The following YWHAZ variants were observed in gnomAD, a reference collection of about 807,000 sequenced individuals.
YWHAZ encodes 14-3-3 protein zeta/delta.
For missense variants in YWHAZ, 79 were observed against 284.8 expected, an observed-to-expected ratio of 0.28 and a Z score of 5.20; for synonymous variants, 87 against 103.6, an observed-to-expected ratio of 0.84 and a Z score of 0.97.
At chr8:100,932,476 G>A (rs1052753932) in intron 2 of YWHAZ, among the ~76,000 whole-genome samples, 3 of 152,006 alleles carry the variant, frequency 2.0e-5, no homozygotes, top group African/African-American at 7.2e-5. Context: ...TCAAATTTAT[G>A]GCTTAAAAGT....
chr8:100,922,508 C>A lies in YWHAZ; in HGVS notation c.678+1447G>T, dbSNP rs1813097244. On this transcript the variant is annotated intron_variant, in intron 5 of 5. Coordinates refer to ENST00000395958, the MANE Select transcript of YWHAZ (RefSeq NM_145690.3). This position sits in a 1 kb window ranked among gnomAD's most constrained non-coding sequence, Gnocchi z 4.1. ...TTCAAGCAATTCTCTTCCTCAGCCT[C>A]CCGAGTAGCTGGGATTACAGGTGCC... 6.6e-6 allele frequency: 1 copy of A among 152,156 alleles called. No homozygotes were observed. Among genetic ancestry groups the A allele is most frequent in the African/African-American group, 2.4e-5 (1 of 41,390 alleles). The allele number at this position is 152,156 out of a possible 1,614,324, so 9.4% of individuals were successfully genotyped here. A position where few individuals can be genotyped will look rare whatever the true frequency, so the allele number is the denominator to read the frequency against.
chr8:100,951,046 C>CG, intron 1 of YWHAZ: 3 of 535,486 alleles, frequency 5.6e-6, no homozygotes, highest in African/African-American at 2.1e-5. Flanking sequence ...CCGTCCACAC[C>CG]TCCCCCGCCC....
chr8:100,935,244 ATT>A lies in YWHAZ; in HGVS notation c.295-10207_295-10206del, dbSNP rs1814062918. 2.0e-5 allele frequency among the ~76,000 whole-genome samples: 3 copies of A among 152,232 alleles called. No individual in the cohort carries two copies. The South Asian group carries it at 6.2e-4, about 32-fold the overall frequency. On this transcript the variant is annotated intron_variant, in intron 2 of 5. Transcript: ENST00000395958. ...GCTCTAATAAAGGCACGTTCTACAC[ATT>A]TTAAGCACTCAAAAATATTAAACTC...
upstream of YWHAZ, chr8:100,952,273 C>T (rs929249101): frequency 1.7e-5 from 8 of 471,664 alleles, no homozygotes; most frequent in East Asian, 9.2e-4. Context: ...CCACCCCGCT[C>T]GGCTTCCAGC....
chr8:100,950,639 G>GCGCCCC (rs1321634674), intron 1 of YWHAZ: 3 of 964,204 alleles, frequency 3.1e-6, no homozygotes, highest in Non-Finnish European at 3.7e-6. Flanking sequence ...GGAGCAGCCC[G>GCGCCCC]CGCCCCCGCC....
In YWHAZ at chr8:100,918,444, A is replaced by ATATATATAT. The variant is rs57486163; in HGVS notation, c.*2248_*2249insATATATATA. The ATATATATAT allele has an allele frequency of 9.3e-4, 101 of 108,738 alleles. No individual in the cohort carries two copies. Among genetic ancestry groups the ATATATATAT allele is most frequent in the Middle Eastern group, 4.2e-3 (1 of 238 alleles). The allele number at this position is 108,738 out of a possible 1,614,324, so 6.7% of individuals were successfully genotyped here. ...TATATATATATATATATATATATAT[A>ATATATATAT]ATTATTTTACCTCCTTGGCTTGGGG... On this transcript the variant is annotated 3_prime_UTR_variant, in exon 6 of 6. Coordinates refer to ENST00000395958, the MANE Select transcript of YWHAZ (RefSeq NM_145690.3).
chr8:100,918,661 T>A lies in YWHAZ; in HGVS notation c.*2032A>T, dbSNP rs1812824269. Reference sequence around the variant, plus strand: ...TTCCCAATTTAATCTGAGGTCATAATAAAACAAGCAACAAAACAGTGTTTG... The same window carrying A: ...TTCCCAATTTAATCTGAGGTCATAAAAAAACAAGCAACAAAACAGTGTTTG... On this transcript the variant is annotated 3_prime_UTR_variant, in exon 6 of 6. Transcript: ENST00000395958. 2 of 151,868 alleles carry A rather than the reference T, an allele frequency of 1.3e-5. No individual in the cohort carries two copies. The highest frequency in any genetic ancestry group is 1.3e-4 in the Admixed American group (2 of 15,236). The allele number at this position is 151,868 out of a possible 1,614,324, so 9.4% of individuals were successfully genotyped here. A position where few individuals can be genotyped will look rare whatever the true frequency, so the allele number is the denominator to read the frequency against.
In YWHAZ at chr8:100,924,072, T is replaced by C; in HGVS notation, c.583-22A>G. On this transcript the variant is annotated intron_variant, in intron 4 of 5. Transcript: ENST00000395958. This position sits in a 1 kb window ranked among gnomAD's most constrained non-coding sequence, Gnocchi z 5.7. ...AAGCCTACGATTTAAAAATAGTACA[T>C]TACATTTCAGTGCTCAAATAATAAA... is the stretch of plus-strand genomic sequence containing the variant. The C allele has an allele frequency of 1.9e-6, 3 of 1,608,716 alleles. No homozygotes were observed. Among genetic ancestry groups the C allele is most frequent in the Admixed American group, 3.4e-5 (2 of 58,504 alleles).
chr8:100,927,110 A>T (rs6468745), intron 2 of YWHAZ, among the ~76,000 whole-genome samples: 152,364 of 152,364 alleles, frequency 1, 76,182 homozygotes, highest in Non-Finnish European at 1. Flanking sequence ...AGCACTTAAA[A>T]TTTTATTTCT....
intron 2 of YWHAZ, among the ~76,000 whole-genome samples, chr8:100,936,756 T>C (rs190023275): frequency 3.3e-5 from 5 of 152,184 alleles, no homozygotes; most frequent in Admixed American, 2.6e-4. Flanking sequence ...TGAGCCAGGA[T>C]AGCTCGCCAC....
intron 1 of YWHAZ, chr8:100,950,668 GAGAGAT>G (rs1563693919): frequency 2.1e-5 from 18 of 854,596 alleles, no homozygotes; most frequent in African/African-American, 9.3e-5. Flanking sequence ...GGGGGGGGGG[GAGAGAT>G]GGGGAGCGAA....
intron 2 of YWHAZ, among the ~76,000 whole-genome samples, chr8:100,940,464 T>G (rs1339314552): frequency 1.3e-5 from 2 of 152,238 alleles, no homozygotes; most frequent in African/African-American, 4.8e-5. Flanking sequence ...CTTGTATTAT[T>G]TGTGCACGTC....
Position 100,919,613 on chromosome 8 carries a change from A to G in YWHAZ, c.*1080T>C, listed in dbSNP as rs1266658947. The G allele has an allele frequency of 6.6e-6, 1 of 152,548 alleles. No homozygotes were observed. The highest frequency in any genetic ancestry group is 2.4e-5 in the African/African-American group (1 of 41,456). 9.4% of individuals were successfully genotyped at this position (152,548 alleles called of 1,614,324 possible). A position where few individuals can be genotyped will look rare whatever the true frequency, so the allele number is the denominator to read the frequency against. On this transcript the variant is annotated 3_prime_UTR_variant, in exon 6 of 6. Coordinates refer to ENST00000395958, the MANE Select transcript of YWHAZ (RefSeq NM_145690.3). ...GCTGCCAAGAGGGAATAAGGAATAA[A>G]TTTCAAAAAATGTACAATTTCCTTT...
chr8:100,943,981 C>T lies in YWHAZ; in HGVS notation c.294+4615G>A, dbSNP rs552644966. On this transcript the variant is annotated intron_variant, in intron 2 of 5. Coordinates refer to ENST00000395958, the MANE Select transcript of YWHAZ (RefSeq NM_145690.3). ...CAGCCTAGGCGACAGAGCAAGACTC[C>T]GTCTCAAAAAAAAAAAGAAAAAAGA... Among the ~76,000 whole-genome samples the T allele has an allele frequency of 1.8e-4, 22 of 121,168 alleles. 1 individual carries two copies. In the South Asian group the frequency reaches 3.1e-3, roughly 17 times the overall value. The allele number at this position is 121,168 out of a possible 152,430, so 79.5% of individuals were successfully genotyped here. A position where few individuals can be genotyped will look rare whatever the true frequency, so the allele number is the denominator to read the frequency against.
chr8:100,946,111 C>G (rs1219615540), intron 2 of YWHAZ, among the ~76,000 whole-genome samples: 1 of 152,098 alleles, frequency 6.6e-6, no homozygotes, highest in African/African-American at 2.4e-5. Flanking sequence ...GGGTAGGGAC[C>G]AGAGTGAACT....
chr8:100,953,157 C>A (rs1012669183), upstream of YWHAZ: 1 of 985,728 alleles, frequency 1.0e-6, no homozygotes, highest in Admixed American at 6.1e-5. Context: ...AGCCTTGACC[C>A]GGAGACAGGC....
rs77426209 is a variant in YWHAZ, at chr8:100,925,340, G to A, written c.295-301C>T. On this transcript the variant is annotated intron_variant, in intron 2 of 5. Coordinates refer to ENST00000395958, the MANE Select transcript of YWHAZ (RefSeq NM_145690.3). ...GACTTCATGAATGTGGGGCATGACCGTTCACATTTAGGAACATTTTCTAAT... is the reference window on the plus strand; with the variant it reads ...GACTTCATGAATGTGGGGCATGACCATTCACATTTAGGAACATTTTCTAAT... Among the ~76,000 whole-genome samples, 548 of 152,274 alleles carry A rather than the reference G, an allele frequency of 3.6e-3. 7 individuals carry two copies. Among genetic ancestry groups the A allele is most frequent in the Non-Finnish European group, 6.0e-3 (407 of 68,014 alleles).
chr8:100,919,625 G>A lies in YWHAZ; in HGVS notation c.*1068C>T, dbSNP rs1812885315. 5.9e-5 allele frequency: 9 copies of A among 152,546 alleles called. No homozygotes were observed. The allele number at this position is 152,546 out of a possible 1,614,324, so 9.4% of individuals were successfully genotyped here. On this transcript the variant is annotated 3_prime_UTR_variant, in exon 6 of 6. Coordinates refer to ENST00000395958, the MANE Select transcript of YWHAZ (RefSeq NM_145690.3). ...GAATAAGGAATAAATTTCAAAAAAT[G>A]TACAATTTCCTTTAGAGAAGTTTCA...
Position 100,925,043 on chromosome 8 carries a change from A to C in YWHAZ, c.295-4T>G, listed in dbSNP as rs1312210167. 2 of 1,610,228 alleles carry C rather than the reference A, an allele frequency of 1.2e-6. No individual in the cohort carries two copies. The highest frequency in any genetic ancestry group is 4.5e-5 in the East Asian group (2 of 44,858). On this transcript the variant is annotated splice_polypyrimidine_tract_variant and splice_region_variant and intron_variant, in intron 2 of 5. Transcript: ENST00000395958. ...TCAAGAACTTTTCCAAAAGAGACTT[A>C]AGAAGAAAAGAAACAGACATAGTGA...
Sources: allele counts gnomAD v4.1 joint callset (sites outside exome capture counted in the v4.1 genomes callset), GRCh38; gene constraint gnomAD v4.1.1; non-coding constraint Gnocchi (gnomAD v3.1); transcripts MANE v1.5; gene names NCBI Gene and HGNC (gene_info 2026-07-23, HGNC 2026-07-21).